The following SOX6 variants were observed in gnomAD, a reference collection of about 807,000 sequenced individuals.
The protein encoded by SOX6 is transcription factor SOX-6.
SOX6 carries 11 observed loss-of-function variants against 97.8 expected under a neutral mutation model. That is an observed-to-expected ratio of 0.11 (90% confidence interval 0.07 to 0.19). The LOEUF (loss-of-function observed/expected upper bound fraction) is 0.19, where lower values mean the gene tolerates loss of function less well. SOX6 is among the 10% of genes least tolerant of loss of function. The pLI is 1.00. For synonymous variants in SOX6, 360 were observed against 371.4 expected (o/e 0.97, Z 0.35); for missense variants, 810 against 1,039.5 (o/e 0.78, Z 3.04).
intron 3 of SOX6, among the ~76,000 whole-genome samples, chr11:16,668,988 A>C (rs1847828132): frequency 6.6e-6 from 1 of 152,222 alleles, no homozygotes; most frequent in Non-Finnish European, 1.5e-5. Context: ...AATTATTCAG[A>C]CACAAAATAA....
intron 2 of SOX6, among the ~76,000 whole-genome samples, chr11:16,728,315 C>T (rs1285307415): frequency 6.6e-6 from 1 of 152,178 alleles, no homozygotes; most frequent in African/African-American, 2.4e-5. Flanking sequence ...CAACAGACAC[C>T]CCACACAGGA....
At chr11:16,673,965 G>A (rs544844911) in intron 3 of SOX6, among the ~76,000 whole-genome samples, 56 of 151,844 alleles carry the variant, frequency 3.7e-4, no homozygotes, top group East Asian at 7.8e-4. Flanking sequence ...CGAGGCAGGC[G>A]GATCACAAGG....
chr11:16,327,366 T>C (rs1856133930), intron 2 of SOX6, among the ~76,000 whole-genome samples: 1 of 152,130 alleles, frequency 6.6e-6, no homozygotes, highest in African/African-American at 2.4e-5. Context: ...TATTTTCAAT[T>C]CTGAAAATAC....
chr11:16,129,178 CT>C (rs906656676), intron 6 of SOX6, among the ~76,000 whole-genome samples: 5 of 150,864 alleles, frequency 3.3e-5, no homozygotes, highest in Admixed American at 1.3e-4. Context: ...ATCTTTATCT[CT>C]TTTTTAAGGT....
intron 13 of SOX6, among the ~76,000 whole-genome samples, chr11:15,994,834 A>G (rs1360238662): frequency 1.3e-5 from 2 of 152,308 alleles, no homozygotes; most frequent in Admixed American, 1.3e-4. Context: ...GATAATAAAT[A>G]TAAACTCTGA....
chr11:16,556,208 C>G (rs1847746876), intron 4 of SOX6, among the ~76,000 whole-genome samples: 1 of 151,742 alleles, frequency 6.6e-6, no homozygotes. Flanking sequence ...AAATTCATTA[C>G]AGCCATAGCC....
intron 3 of SOX6, among the ~76,000 whole-genome samples, chr11:16,253,642 A>T: frequency 6.6e-6 from 1 of 152,072 alleles, no homozygotes; most frequent in Non-Finnish European, 1.5e-5. Context: ...AGAATCTGTG[A>T]ACTAGAGGAT....
chr11:16,440,873 T>TACCC (rs1859491567), intron 1 of SOX6, among the ~76,000 whole-genome samples: 1 of 152,116 alleles, frequency 6.6e-6, no homozygotes, highest in Non-Finnish European at 1.5e-5. Flanking sequence ...AAAATACATC[T>TACCC]ACCCATTCAG....
chr11:16,134,342 A>G (rs1432684941), intron 6 of SOX6, among the ~76,000 whole-genome samples: 6 of 152,226 alleles, frequency 3.9e-5, no homozygotes, highest in African/African-American at 1.4e-4. Context: ...GCCACGTTGT[A>G]GGAGTGAGAG....
intron 4 of SOX6, among the ~76,000 whole-genome samples, chr11:16,501,057 C>T (rs1296363188): frequency 6.6e-6 from 1 of 152,204 alleles, no homozygotes; most frequent in Non-Finnish European, 1.5e-5. Context: ...TGACTTCAAA[C>T]TATACCACAA....
At chr11:16,703,510 C>G (rs1848109677) in intron 3 of SOX6, among the ~76,000 whole-genome samples, 1 of 152,006 alleles carries the variant, frequency 6.6e-6, no homozygotes, top group Non-Finnish European at 1.5e-5. Context: ...ATTACAAAGA[C>G]AGTTTTTGCT....
intron 3 of SOX6, among the ~76,000 whole-genome samples, chr11:16,678,874 T>A (rs1281420797): frequency 1.3e-5 from 2 of 152,178 alleles, no homozygotes; most frequent in Non-Finnish European, 2.9e-5. Flanking sequence ...GAGATTGACC[T>A]GCGATGCTGC....
At chr11:16,457,194 T>C (rs190032199) in intron 1 of SOX6, among the ~76,000 whole-genome samples, 1 of 152,188 alleles carries the variant, frequency 6.6e-6, no homozygotes, top group East Asian at 1.9e-4. Flanking sequence ...GCATAAAACT[T>C]AATAATCCTA....
intron 9 of SOX6, among the ~76,000 whole-genome samples, chr11:16,064,517 T>C (rs1250951621): frequency 7.0e-6 from 1 of 142,212 alleles, no homozygotes; most frequent in Non-Finnish European, 1.5e-5. Flanking sequence ...GACAAAGCCA[T>C]ACATATATAT....
At chr11:16,086,221 T>C (rs1848575187) in intron 9 of SOX6, among the ~76,000 whole-genome samples, 1 of 152,202 alleles carries the variant, frequency 6.6e-6, no homozygotes. Context: ...TATTTGTAAA[T>C]TAAATCGTTT....
intron 6 of SOX6, among the ~76,000 whole-genome samples, chr11:16,132,451 AGAAAGAAAGAAAGAAAGAAAGAAAGAAAG>A (rs1849830597): frequency 8.7e-6 from 1 of 114,304 alleles, no homozygotes; most frequent in African/African-American, 3.5e-5. Context: ...GAAAAAAGAA[AGAAAGAAAGAAAGAAAGAAAGAAAGAAAG>A]AAAGAAAGAA....
At chr11:16,558,493 A>T (rs1847773560) in intron 4 of SOX6, among the ~76,000 whole-genome samples, 1 of 152,174 alleles carries the variant, frequency 6.6e-6, no homozygotes, top group Middle Eastern at 3.4e-3. Flanking sequence ...ATGAACTACA[A>T]TCACTGCTCT....
intron 3 of SOX6, among the ~76,000 whole-genome samples, chr11:16,632,822 G>GCC (rs1477252841): frequency 6.6e-6 from 1 of 152,234 alleles, no homozygotes; most frequent in African/African-American, 2.4e-5. Context: ...GGGACCCCCT[G>GCC]CACCAAGATT....
intron 6 of SOX6, among the ~76,000 whole-genome samples, chr11:16,124,149 G>T (rs1222808220): frequency 1.3e-5 from 2 of 152,010 alleles, no homozygotes; most frequent in Non-Finnish European, 2.9e-5. Context: ...CACATATTGT[G>T]TTGAATTATT....
Sources: gnomAD v4.1 joint callset for allele counts (sites outside exome capture counted in the v4.1 genomes callset) on GRCh38, gnomAD v4.1.1 for gene constraint, MANE v1.5 for transcripts, NCBI Gene and HGNC (gene_info 2026-07-23, HGNC 2026-07-21) for gene names.